Variants in RAB28 observed in about 807,000 individuals in gnomAD.
RAB28 encodes the protein RAB28, member RAS oncogene family.
In RAB28, 24 loss-of-function variants were observed where a neutral mutation model predicts 31.7. The observed-to-expected ratio is 0.76, with a 90% CI of 0.55 to 1.06. RAB28 has a LOEUF of 1.06. Among genes scored for constraint, RAB28 ranks in the 50% least tolerant of loss-of-function variants. The pLI, the probability that RAB28 is intolerant of heterozygous loss-of-function variation, is 0.00. For synonymous variants in RAB28, 100 were observed against 90.4 expected, an observed-to-expected ratio of 1.11 and a Z score of -0.60; for missense variants, 254 against 258.5, an observed-to-expected ratio of 0.98 and a Z score of 0.12.
intron 2 of RAB28, among the ~76,000 whole-genome samples, chr4:13,478,804 C>T (rs978881281): frequency 2.6e-4 from 40 of 151,772 alleles, no homozygotes; most frequent in African/African-American, 8.2e-4. Flanking sequence ...ATTATTTCCC[C>T]GTATTTCCCA....
At chr4:13,389,797 A>C (rs1051910494) in intron 4 of RAB28, among the ~76,000 whole-genome samples, 1 of 152,220 alleles carries the variant, frequency 6.6e-6, no homozygotes, top group Non-Finnish European at 1.5e-5. Flanking sequence ...AACAGATCCA[A>C]TGACAAAAAC....
intron 4 of RAB28, among the ~76,000 whole-genome samples, chr4:13,405,835 C>T (rs1426026862): frequency 6.6e-6 from 1 of 152,130 alleles, no homozygotes; most frequent in Non-Finnish European, 1.5e-5. Flanking sequence ...TCTTGGTTTA[C>T]TGAGATCTAT....
At chr4:13,377,806 A>C (rs910582259) in intron 5 of RAB28, among the ~76,000 whole-genome samples, 31 of 152,342 alleles carry the variant, frequency 2.0e-4, no homozygotes, top group African/African-American at 7.5e-4. Flanking sequence ...AGTAAGAAAC[A>C]GTCATCAGGT....
intron 1 of RAB28, among the ~76,000 whole-genome samples, chr4:13,482,091 T>C (rs143114136): frequency 2.6e-4 from 39 of 152,246 alleles, no homozygotes; most frequent in African/African-American, 8.2e-4. Flanking sequence ...TTAGTCAAGA[T>C]AATGAAGATT....
chr4:13,458,812 C>T (rs1715442605), intron 4 of RAB28, among the ~76,000 whole-genome samples: 1 of 152,178 alleles, frequency 6.6e-6, no homozygotes, highest in African/African-American at 2.4e-5. Flanking sequence ...GAGCAATAGG[C>T]TGTGCCATAT....
At chr4:13,385,451 G>C (rs1420232002) in intron 4 of RAB28, among the ~76,000 whole-genome samples, 3 of 152,156 alleles carry the variant, frequency 2.0e-5, no homozygotes, top group Non-Finnish European at 4.4e-5. Context: ...AGCAGCTAGA[G>C]AGAAGGGTCA....
chr4:13,410,433 C>T (rs73229666), intron 4 of RAB28, among the ~76,000 whole-genome samples: 11,262 of 152,066 alleles, frequency 0.074, 729 homozygotes, highest in African/African-American at 0.18. Flanking sequence ...CAATACTCTA[C>T]ACTCAGGGTG....
chr4:13,417,488 A>G (rs1712849557), intron 4 of RAB28, among the ~76,000 whole-genome samples: 1 of 152,218 alleles, frequency 6.6e-6, no homozygotes, highest in African/African-American at 2.4e-5. Flanking sequence ...ACCTCCCAGT[A>G]GGGGCCAACC....
At chr4:13,407,058 C>T (rs1712138649) in intron 4 of RAB28, among the ~76,000 whole-genome samples, 1 of 152,134 alleles carries the variant, frequency 6.6e-6, no homozygotes, top group South Asian at 2.1e-4. Flanking sequence ...GGGTTTTAGT[C>T]ATGAAGTCAT....
chr4:13,415,184 C>G (rs533110198), intron 4 of RAB28, among the ~76,000 whole-genome samples: 39 of 152,300 alleles, frequency 2.6e-4, no homozygotes, highest in African/African-American at 8.7e-4. Context: ...TGACTCAATT[C>G]ACAATCACAT....
intron 1 of RAB28, among the ~76,000 whole-genome samples, chr4:13,482,348 C>A (rs1716642215): frequency 1.3e-5 from 2 of 152,074 alleles, no homozygotes; most frequent in African/African-American, 4.8e-5. Flanking sequence ...ACAATAAATA[C>A]TGTTAGAAAA....
chr4:13,374,891 C>T (rs1229193108), intron 6 of RAB28, among the ~76,000 whole-genome samples: 1 of 152,214 alleles, frequency 6.6e-6, no homozygotes, highest in Non-Finnish European at 1.5e-5. Flanking sequence ...AATTAATCAA[C>T]TTGGCATTCA....
At chr4:13,474,268 T>C in intron 3 of RAB28, 50 bp downstream of exon 3, 2 of 1,232,676 alleles carry the variant, frequency 1.6e-6, no homozygotes, top group South Asian at 1.2e-5. Context: ...GCATGTGTGC[T>C]TGTAAGTGGT....
At position 13,460,896 on chromosome 4, in the gene RAB28, C is replaced by A. The variant is rs73817403; in HGVS notation, c.262-68G>T. 36,700 of 1,436,520 alleles carry A rather than the reference C, an allele frequency of 0.026. 1,315 individuals carry two copies. The highest frequency in any genetic ancestry group is 0.17 in the African/African-American group (12,076 of 70,120). The allele number at this position is 1,436,520 out of a possible 1,614,324, so 89.0% of individuals were successfully genotyped here. On this transcript the variant is annotated intron_variant, in intron 3 of 6. Transcript: ENST00000330852. Reference sequence around the variant, plus strand: ...GTGAAAAAATCTTAATGAATACTTGCGTAATGCTTCAGATATGTCAAAATG... The same window carrying A: ...GTGAAAAAATCTTAATGAATACTTGAGTAATGCTTCAGATATGTCAAAATG...
intron 4 of RAB28, among the ~76,000 whole-genome samples, chr4:13,392,631 T>G (rs1729689305): frequency 6.6e-6 from 1 of 152,166 alleles, no homozygotes; most frequent in South Asian, 2.1e-4. Flanking sequence ...TGTAATCTCT[T>G]GTTAATAATA....
At chr4:13,483,043 A>T (rs1197859126) in intron 1 of RAB28, among the ~76,000 whole-genome samples, 2 of 152,180 alleles carry the variant, frequency 1.3e-5, no homozygotes, top group African/African-American at 4.8e-5. Flanking sequence ...TACAGGGGTG[A>T]TAAACTTTAG....
intron 6 of RAB28, chr4:13,371,993 T>C (rs1292003743): frequency 1.2e-6 from 1 of 866,796 alleles, no homozygotes; most frequent in East Asian, 2.7e-5. Context: ...AAGCAACCTA[T>C]GGGTTGGGGC....
chr4:13,421,623 G>A (rs745948459), intron 4 of RAB28, among the ~76,000 whole-genome samples: 6 of 152,108 alleles, frequency 3.9e-5, no homozygotes, highest in Non-Finnish European at 5.9e-5. Context: ...TCTGATCTTC[G>A]ACAAACCTGT....
intron 4 of RAB28, among the ~76,000 whole-genome samples, chr4:13,435,017 CAAAAAAAAAA>C (rs991889676): frequency 2.1e-5 from 1 of 47,046 alleles, no homozygotes; most frequent in Non-Finnish European, 4.6e-5. Context: ...GACTCCGTCT[CAAAAAAAAAA>C]AAAAAAAAGA....
Sources: allele counts gnomAD v4.1 joint callset (sites outside exome capture counted in the v4.1 genomes callset), GRCh38; gene constraint gnomAD v4.1.1; transcripts MANE v1.5; gene names NCBI Gene and HGNC (gene_info 2026-07-23, HGNC 2026-07-21).